EXOC6B: variants seen among roughly 807,000 people sequenced by gnomAD.
The protein encoded by EXOC6B is exocyst complex component 6B, also known as SEC15 homolog B.
EXOC6B carries 54 observed loss-of-function variants against 113.5 expected under a neutral mutation model. The ratio of observed to expected loss-of-function variants is 0.48; its 90% CI spans 0.38 to 0.60. The LOEUF (loss-of-function observed/expected upper bound fraction) is 0.60. EXOC6B is among the 20% of genes least tolerant of loss of function. The probability of loss-of-function intolerance (pLI) is 0.00; values close to 1 mark genes in which losing one functional copy is unlikely to be tolerated. For missense variants in EXOC6B, 797 were observed against 977.5 expected, an observed-to-expected ratio of 0.82 and a Z score of 2.46; for synonymous variants, 357 against 339.0, an observed-to-expected ratio of 1.05 and a Z score of -0.58.
chr2:72,734,885 A>G (rs1680852243), intron 2 of EXOC6B, among the ~76,000 whole-genome samples: 1 of 152,208 alleles, frequency 6.6e-6, no homozygotes, highest in African/African-American at 2.4e-5. Context: ...TGGAGACACT[A>G]TACCCCATAC....
At chr2:72,582,622 C>T (rs1006355753) in intron 6 of EXOC6B, among the ~76,000 whole-genome samples, 1 of 151,826 alleles carries the variant, frequency 6.6e-6, no homozygotes, top group Non-Finnish European at 1.5e-5. Flanking sequence ...GCAACCTCCA[C>T]CTCCCGGGTT....
chr2:72,380,780 T>C (rs1210410052), intron 18 of EXOC6B, among the ~76,000 whole-genome samples: 3 of 152,214 alleles, frequency 2.0e-5, no homozygotes, highest in African/African-American at 4.8e-5. Context: ...TTTGAAAATA[T>C]GGATTTTAAA....
At chr2:72,302,210 G>C (rs1249576549) in intron 20 of EXOC6B, among the ~76,000 whole-genome samples, 1 of 152,040 alleles carries the variant, frequency 6.6e-6, no homozygotes, top group Non-Finnish European at 1.5e-5. Flanking sequence ...AGTGTGTTTG[G>C]TATGATTTTG....
intron 5 of EXOC6B, among the ~76,000 whole-genome samples, chr2:72,729,961 C>G (rs113687106): frequency 2.6e-5 from 4 of 151,994 alleles, no homozygotes; most frequent in African/African-American, 4.8e-5. Flanking sequence ...TAATTGTATA[C>G]TTTTTCCCTC....
chr2:72,413,689 A>G (rs1480744275), intron 18 of EXOC6B, among the ~76,000 whole-genome samples: 3 of 71,606 alleles, frequency 4.2e-5, no homozygotes, highest in Admixed American at 3.4e-4. Context: ...CTCAAAAAAG[A>G]AAAAAAAAAA....
chr2:72,715,580 A>C (rs1679562727), intron 6 of EXOC6B, among the ~76,000 whole-genome samples: 1 of 152,002 alleles, frequency 6.6e-6, no homozygotes, highest in Non-Finnish European at 1.5e-5. Flanking sequence ...ATCAAGGTCT[A>C]AGCAAGGAAA....
chr2:72,223,684 T>TG (rs1681017750), intron 20 of EXOC6B, among the ~76,000 whole-genome samples: 2 of 141,702 alleles, frequency 1.4e-5, no homozygotes, highest in Non-Finnish European at 3.0e-5. Flanking sequence ...GAAGGCCTGT[T>TG]TTTTGTTTGT....
intron 6 of EXOC6B, among the ~76,000 whole-genome samples, chr2:72,694,408 C>T (rs960637638): frequency 6.6e-6 from 1 of 152,098 alleles, no homozygotes; most frequent in Non-Finnish European, 1.5e-5. Context: ...TGCCACTGTA[C>T]TACAGCGTGG....
intron 18 of EXOC6B, among the ~76,000 whole-genome samples, chr2:72,444,659 T>C (rs1332006194): frequency 1.3e-5 from 2 of 152,180 alleles, no homozygotes; most frequent in Non-Finnish European, 2.9e-5. Context: ...AAACACCACA[T>C]AGAAACTGTC....
chr2:72,701,341 C>CAA (rs34639104), intron 6 of EXOC6B, among the ~76,000 whole-genome samples: 16 of 57,268 alleles, frequency 2.8e-4, no homozygotes, highest in Admixed American at 1.1e-3. Flanking sequence ...ACTCCATCTT[C>CAA]AAAAAAAAAA....
chr2:72,280,053 T>A (rs966777313), intron 20 of EXOC6B, among the ~76,000 whole-genome samples: 1 of 152,192 alleles, frequency 6.6e-6, no homozygotes, highest in Non-Finnish European at 1.5e-5. Flanking sequence ...TTCTTAAAAA[T>A]ACATTTTTCA....
intron 1 of EXOC6B, among the ~76,000 whole-genome samples, chr2:72,782,185 A>G (rs1003470829): frequency 1.3e-5 from 2 of 151,568 alleles, no homozygotes; most frequent in African/African-American, 4.8e-5. Flanking sequence ...TATTGAGTAT[A>G]TCATCCTAAC....
intron 6 of EXOC6B, among the ~76,000 whole-genome samples, chr2:72,598,919 T>C (rs1365255845): frequency 1.3e-5 from 2 of 152,064 alleles, no homozygotes; most frequent in African/African-American, 4.8e-5. Context: ...TTAATAACCT[T>C]TCAAGACAGA....
chr2:72,472,175 C>G (rs1347070109), intron 17 of EXOC6B, among the ~76,000 whole-genome samples: 1 of 152,010 alleles, frequency 6.6e-6, no homozygotes, highest in African/African-American at 2.4e-5. Context: ...CTGTAGTTTT[C>G]TTTTGTTGTT....
At chr2:72,541,798 T>C (rs1191476508) in intron 8 of EXOC6B, among the ~76,000 whole-genome samples, 1 of 152,148 alleles carries the variant, frequency 6.6e-6, no homozygotes. Context: ...ACACCAGGTG[T>C]TTTTACATAG....
chr2:72,583,127 T>C (rs1418604517), intron 6 of EXOC6B, among the ~76,000 whole-genome samples: 1 of 152,138 alleles, frequency 6.6e-6, no homozygotes, highest in Non-Finnish European at 1.5e-5. Context: ...GACCAGTCTT[T>C]AACCTAACCC....
chr2:72,271,091 C>A (rs1229024024), intron 20 of EXOC6B, among the ~76,000 whole-genome samples: 1 of 152,066 alleles, frequency 6.6e-6, no homozygotes, highest in Non-Finnish European at 1.5e-5. Context: ...GTTTTAGCAG[C>A]CAGGTACTTT....
At chr2:72,541,865 T>C (rs1352240586) in intron 8 of EXOC6B, among the ~76,000 whole-genome samples, 1 of 152,170 alleles carries the variant, frequency 6.6e-6, no homozygotes, top group Non-Finnish European at 1.5e-5. Context: ...TTATTTACAG[T>C]GTTTCGTCAT....
chr2:72,584,400 A>G (rs919252207), intron 6 of EXOC6B, among the ~76,000 whole-genome samples: 1 of 152,200 alleles, frequency 6.6e-6, no homozygotes, highest in Non-Finnish European at 1.5e-5. Context: ...GCCAACAACT[A>G]TAAAAAAGGA....
Sources: gnomAD v4.1 joint callset for allele counts (sites outside exome capture counted in the v4.1 genomes callset) on GRCh38, gnomAD v4.1.1 for gene constraint, MANE v1.5 for transcripts, NCBI Gene and HGNC (gene_info 2026-07-23, HGNC 2026-07-21) for gene names.